The following NRG1 variants were observed in gnomAD, a reference collection of about 807,000 sequenced individuals.
The protein encoded by NRG1 is pro-neuregulin-1, membrane-bound isoform.
In NRG1, 18 loss-of-function variants were observed where a neutral mutation model predicts 63.8. The ratio of observed to expected loss-of-function variants is 0.28; its 90% CI spans 0.19 to 0.42. The LOEUF (loss-of-function observed/expected upper bound fraction) is 0.42, where lower values mean the gene tolerates loss of function less well. Among genes scored for constraint, NRG1 ranks in the 10% least tolerant of loss-of-function variants. The pLI, the probability that NRG1 is intolerant of heterozygous loss-of-function variation, is 1.00. For missense variants in NRG1, 762 were observed against 814.7 expected (o/e 0.94, Z 0.79); for synonymous variants, 302 against 301.3 (o/e 1.00, Z -0.02).
At chr8:32,732,981 G>A (rs1240892955) in intron 6 of NRG1, among the ~76,000 whole-genome samples, 1 of 151,488 alleles carries the variant, frequency 6.6e-6, no homozygotes, top group Non-Finnish European at 1.5e-5. Context: ...CTGATTTTTT[G>A]TATTTAGTAG....
intron 1 of NRG1, among the ~76,000 whole-genome samples, chr8:31,822,251 G>A (rs1824074998): frequency 6.6e-6 from 1 of 152,156 alleles, no homozygotes; most frequent in Non-Finnish European, 1.5e-5. Flanking sequence ...TTTCTTAGGA[G>A]CACTAAGAGT....
intron 3 of NRG1, among the ~76,000 whole-genome samples, chr8:32,608,092 GTTTT>G (rs1226154193): frequency 9.4e-6 from 1 of 106,158 alleles, no homozygotes; most frequent in Admixed American, 9.5e-5. Flanking sequence ...GGTTTTTTTT[GTTTT>G]TTTTTTTTTT....
chr8:32,258,549 T>G (rs2129471315), intron 1 of NRG1, among the ~76,000 whole-genome samples: 1 of 152,224 alleles, frequency 6.6e-6, no homozygotes, highest in South Asian at 2.1e-4. Flanking sequence ...TCTGCATGGC[T>G]AGGGAGGCCT....
At position 31,640,667 on chromosome 8, in the gene NRG1, C is replaced by A. The variant is rs1401083340; in HGVS notation, c.37+1236C>A. 3 of 1,608,238 alleles carry A rather than the reference C, an allele frequency of 1.9e-6. No individual in the cohort carries two copies. In the East Asian group the frequency reaches 6.8e-5, roughly 36 times the overall value. ...CCGGCCGCCTTCCGAGCCTCTTTCC[C>A]CCCTCTGGAGACGGGCCGGAACCTC... On this transcript the variant is annotated intron_variant, in intron 1 of 10. Coordinates refer to the NRG1 transcript ENST00000519301. The surrounding 1 kb of genome is among the most constrained non-coding windows in gnomAD (Gnocchi z 6.3).
At chr8:31,895,602 C>G (rs2129614526) in intron 1 of NRG1, among the ~76,000 whole-genome samples, 1 of 152,284 alleles carries the variant, frequency 6.6e-6, no homozygotes, top group East Asian at 1.9e-4. Context: ...ATACTTTTAC[C>G]TTTAGTGCAG....
intron 1 of NRG1, among the ~76,000 whole-genome samples, chr8:31,900,297 T>A (rs1196388521): frequency 6.6e-6 from 1 of 152,150 alleles, no homozygotes; most frequent in Non-Finnish European, 1.5e-5. Flanking sequence ...AATAGATATC[T>A]GTGTCTGTAA....
At chr8:32,756,469 G>C in exon 9 of NRG1, 1 of 1,613,716 alleles carries the variant, frequency 6.2e-7, no homozygotes, top group Non-Finnish European at 8.5e-7. Flanking sequence ...ACAATATGAT[G>C]AACATTGCCA....
At chr8:32,557,873 T>A (rs939283407) in intron 1 of NRG1, among the ~76,000 whole-genome samples, 2 of 152,236 alleles carry the variant, frequency 1.3e-5, no homozygotes, top group African/African-American at 4.8e-5. Context: ...GGGAGACTTA[T>A]GTCTTGAGGG....
chr8:31,752,072 G>T (rs1174960619), intron 1 of NRG1, among the ~76,000 whole-genome samples: 1 of 151,988 alleles, frequency 6.6e-6, no homozygotes, highest in African/African-American at 2.4e-5. Context: ...TCGGGAATGA[G>T]CATTGATGAG....
intron 1 of NRG1, among the ~76,000 whole-genome samples, chr8:32,000,235 T>C (rs1447106096): frequency 3.9e-5 from 6 of 152,034 alleles, no homozygotes; most frequent in African/African-American, 1.4e-4. Context: ...GCAAGCATTT[T>C]AGGTTACAGT....
At chr8:31,891,305 C>A (rs576087037) in intron 1 of NRG1, among the ~76,000 whole-genome samples, 2 of 152,052 alleles carry the variant, frequency 1.3e-5, no homozygotes, top group Non-Finnish European at 2.9e-5. Context: ...TAGTAACAAT[C>A]TATTTTAGAA....
intron 1 of NRG1, among the ~76,000 whole-genome samples, chr8:31,958,316 C>A (rs539042453): frequency 5.1e-4 from 78 of 152,214 alleles, no homozygotes; most frequent in Non-Finnish European, 5.1e-4. Context: ...GAAAGCCTTA[C>A]ATGACAATAA....
intron 1 of NRG1, among the ~76,000 whole-genome samples, chr8:32,083,808 T>C (rs1427624478): frequency 2.0e-5 from 3 of 152,100 alleles, no homozygotes; most frequent in Admixed American, 1.3e-4. Flanking sequence ...GAAAGTGACA[T>C]ATATTGTAGT....
At chr8:32,414,405 C>T (rs1815565293) in intron 1 of NRG1, among the ~76,000 whole-genome samples, 1 of 152,224 alleles carries the variant, frequency 6.6e-6, no homozygotes, top group Non-Finnish European at 1.5e-5. Context: ...TCCCACATAT[C>T]TCCCTTTTTC....
At chr8:31,915,012 ATTTG>A (rs938300338) in intron 1 of NRG1, among the ~76,000 whole-genome samples, 9 of 151,924 alleles carry the variant, frequency 5.9e-5, no homozygotes, top group Non-Finnish European at 8.8e-5. Context: ...TATCAAAATC[ATTTG>A]TTTGGGACAT....
chr8:32,045,985 C>T (rs1820932711), intron 1 of NRG1, among the ~76,000 whole-genome samples: 1 of 152,020 alleles, frequency 6.6e-6, no homozygotes, highest in East Asian at 1.9e-4. Context: ...GTAAAAGACA[C>T]TATAAGAGAG....
intron 1 of NRG1, among the ~76,000 whole-genome samples, chr8:31,911,280 C>A (rs1832924440): frequency 6.6e-6 from 1 of 152,078 alleles, no homozygotes; most frequent in Non-Finnish European, 1.5e-5. Context: ...AAGACAAATG[C>A]ATGTGTATGT....
chr8:31,858,298 C>CAA (rs768034922), intron 1 of NRG1, among the ~76,000 whole-genome samples: 6 of 116,110 alleles, frequency 5.2e-5, no homozygotes, highest in African/African-American at 1.2e-4. Flanking sequence ...GACTCCGTCT[C>CAA]AAAAAAAAAA....
At chr8:32,398,087 T>A (rs1460310538) in intron 1 of NRG1, among the ~76,000 whole-genome samples, 1 of 152,238 alleles carries the variant, frequency 6.6e-6, no homozygotes, top group Non-Finnish European at 1.5e-5. Context: ...AATTAGTTGG[T>A]ATGTGATTGT....
Sources: allele counts gnomAD v4.1 joint callset (sites outside exome capture counted in the v4.1 genomes callset), GRCh38; gene constraint gnomAD v4.1.1; non-coding constraint Gnocchi (gnomAD v3.1); transcripts MANE v1.5; gene names NCBI Gene and HGNC (gene_info 2026-07-23, HGNC 2026-07-21).